Variants in DGKB observed in about 807,000 individuals in gnomAD.
DGKB encodes diacylglycerol kinase beta.
A neutral mutation model predicts 114.3 loss-of-function variants in DGKB; 67 were observed. The ratio of observed to expected loss-of-function variants is 0.59; its 90% CI spans 0.48 to 0.72. The LOEUF (loss-of-function observed/expected upper bound fraction) is 0.72. DGKB is among the 30% of genes least tolerant of loss of function. The pLI, the probability that DGKB is intolerant of heterozygous loss-of-function variation, is 0.00. For synonymous variants in DGKB, 398 were observed against 323.1 expected, an observed-to-expected ratio of 1.23 and a Z score of -2.49; for missense variants, 907 against 975.2, an observed-to-expected ratio of 0.93 and a Z score of 0.93.
chr7:14,490,403 C>A (rs919099385), intron 20 of DGKB, among the ~76,000 whole-genome samples: 1 of 152,128 alleles, frequency 6.6e-6, no homozygotes, highest in Non-Finnish European at 1.5e-5. Flanking sequence ...CTCAAAGTGA[C>A]AGCATAGTTT....
chr7:14,567,504 TATA>T (rs1797741743), intron 20 of DGKB, among the ~76,000 whole-genome samples: 1 of 92,716 alleles, frequency 1.1e-5, no homozygotes. Flanking sequence ...TATATAATTA[TATA>T]ATTATATATT....
intron 12 of DGKB, among the ~76,000 whole-genome samples, chr7:14,673,385 C>G (rs139796529): frequency 1.8e-3 from 260 of 145,228 alleles, no homozygotes; most frequent in African/African-American, 5.8e-3. Context: ...CTTGAAACCA[C>G]TGTGCCTGTG....
chr7:14,497,356 A>C (rs373135292), intron 20 of DGKB, among the ~76,000 whole-genome samples: 2 of 151,886 alleles, frequency 1.3e-5, no homozygotes, highest in East Asian at 3.9e-4. Flanking sequence ...TTTTAAAATA[A>C]AACATAAGAA....
intron 23 of DGKB, among the ~76,000 whole-genome samples, chr7:14,182,232 AT>A (rs1782736896): frequency 6.6e-6 from 1 of 151,712 alleles, no homozygotes; most frequent in African/African-American, 2.4e-5. Context: ...TATTTTTTTT[AT>A]TTTTATCTTA....
chr7:14,532,076 G>A (rs115197727), intron 20 of DGKB, among the ~76,000 whole-genome samples: 10 of 151,060 alleles, frequency 6.6e-5, no homozygotes, highest in South Asian at 4.2e-4. Flanking sequence ...TATCCATATC[G>A]TTCTCATAAC....
At position 14,867,327 on chromosome 7, in the gene DGKB, A is replaced by G. The variant is rs1479583781; in HGVS notation, c.-187-25877T>C. Among the ~76,000 whole-genome samples, 9 of 152,220 alleles carry G rather than the reference A, an allele frequency of 5.9e-5. No homozygotes were observed. In the East Asian group the frequency reaches 1.7e-3, roughly 29 times the overall value. ...TTCAAGGTCATCTAAGTATTCTCTTATCTTCTAAGATTTTGCTACTACTGC... is the reference window on the plus strand; with the variant it reads ...TTCAAGGTCATCTAAGTATTCTCTTGTCTTCTAAGATTTTGCTACTACTGC... On this transcript the variant is annotated intron_variant, in intron 1 of 25. Transcript: ENST00000402815.
At chr7:14,497,412 C>A (rs1043152350) in intron 20 of DGKB, among the ~76,000 whole-genome samples, 2 of 151,600 alleles carry the variant, frequency 1.3e-5, no homozygotes, top group African/African-American at 4.8e-5. Flanking sequence ...TCTACAGTAG[C>A]CCTCTATATT....
At chr7:14,698,737 C>G (rs901487177) in intron 7 of DGKB, among the ~76,000 whole-genome samples, 4 of 152,100 alleles carry the variant, frequency 2.6e-5, no homozygotes, top group Non-Finnish European at 5.9e-5. Flanking sequence ...CCATATTATT[C>G]TGCTCAATTA....
At chr7:14,813,389 T>C (rs1233950279) in intron 2 of DGKB, among the ~76,000 whole-genome samples, 1 of 152,146 alleles carries the variant, frequency 6.6e-6, no homozygotes, top group African/African-American at 2.4e-5. Context: ...TGAGTACCAA[T>C]GAGAGAGATA....
At chr7:14,250,478 T>C (rs2128388912) in intron 23 of DGKB, among the ~76,000 whole-genome samples, 1 of 152,342 alleles carries the variant, frequency 6.6e-6, no homozygotes, top group South Asian at 2.1e-4. Context: ...TTCCTGTTAT[T>C]GACTTCTAGT....
chr7:14,871,990 C>T (rs1303887237), intron 1 of DGKB, among the ~76,000 whole-genome samples: 3 of 152,048 alleles, frequency 2.0e-5, no homozygotes, highest in Non-Finnish European at 4.4e-5. Context: ...CTAAATACAG[C>T]GATCTTCAAG....
chr7:14,683,392 T>C lies in DGKB; in HGVS notation c.830-551A>G, dbSNP rs78166128. Among the ~76,000 whole-genome samples the C allele has an allele frequency of 7.6e-4, 115 of 152,284 alleles. 1 individual carries two copies. In the East Asian group the frequency reaches 0.015, roughly 20 times the overall value. The stretch of plus-strand genomic sequence containing the variant: ...TCACTTGCCATCATGGCATCGTTTG[T>C]CCAAAAGCAACAGCCTTTGCTGGGC... On this transcript the variant is annotated intron_variant, in intron 10 of 25. Coordinates refer to ENST00000402815, the MANE Select transcript of DGKB (RefSeq NM_001350709.2).
intron 1 of DGKB, among the ~76,000 whole-genome samples, chr7:14,938,369 G>C (rs36876): frequency 0.15 from 23,037 of 152,156 alleles, 1,944 homozygotes; most frequent in Non-Finnish European, 0.19. Flanking sequence ...GTTTAAGATG[G>C]ACTGATAACA....
intron 1 of DGKB, among the ~76,000 whole-genome samples, chr7:14,940,628 TA>T (rs1363983837): frequency 2.0e-5 from 3 of 152,118 alleles, no homozygotes; most frequent in Admixed American, 6.6e-5. Flanking sequence ...TTCTATTAGT[TA>T]AATAGATCAA....
At chr7:14,730,203 G>A (rs1830703453) in intron 5 of DGKB, among the ~76,000 whole-genome samples, 1 of 152,150 alleles carries the variant, frequency 6.6e-6, no homozygotes. Flanking sequence ...GCTGTTGATT[G>A]CTATCTTATA....
intron 25 of DGKB, among the ~76,000 whole-genome samples, chr7:14,150,245 C>G (rs1362691625): frequency 6.6e-6 from 1 of 152,082 alleles, no homozygotes; most frequent in African/African-American, 2.4e-5. Flanking sequence ...TTGTCACCTG[C>G]ACAGCATTCG....
intron 20 of DGKB, among the ~76,000 whole-genome samples, chr7:14,495,423 TTC>T (rs1380848247): frequency 5.9e-5 from 9 of 151,838 alleles, no homozygotes; most frequent in African/African-American, 2.2e-4. Flanking sequence ...TGTAAATTAT[TTC>T]TTTTTAAATT....
intron 9 of DGKB, among the ~76,000 whole-genome samples, chr7:14,689,629 T>C (rs1265377020): frequency 6.6e-6 from 1 of 152,060 alleles, no homozygotes; most frequent in African/African-American, 2.4e-5. Context: ...AAATGCAAAA[T>C]CAACAGCAGG....
intron 23 of DGKB, among the ~76,000 whole-genome samples, chr7:14,185,230 C>A (rs896683651): frequency 1.3e-5 from 2 of 152,034 alleles, no homozygotes; most frequent in African/African-American, 2.4e-5. Flanking sequence ...ATAATGGCGA[C>A]CAAGTGGAGA....
Sources: gnomAD v4.1 joint callset for allele counts (sites outside exome capture counted in the v4.1 genomes callset) on GRCh38, gnomAD v4.1.1 for gene constraint, MANE v1.5 for transcripts, NCBI Gene and HGNC (gene_info 2026-07-23, HGNC 2026-07-21) for gene names.